The following ZNF177 variants were observed in gnomAD, a reference collection of about 807,000 sequenced individuals.
ZNF177 encodes zinc finger protein 177.
In ZNF177, 17 loss-of-function variants were observed where a neutral mutation model predicts 19.4. The ratio of observed to expected loss-of-function variants is 0.87; its 90% CI spans 0.60 to 1.31. ZNF177 has a LOEUF of 1.31. ZNF177 is among the 40% of genes most tolerant of loss of function. The pLI is 0.00. For missense variants in ZNF177, 633 were observed against 561.8 expected (o/e 1.13, Z -1.28); for synonymous variants, 220 against 188.7 (o/e 1.17, Z -1.36).
chr19:9,378,738 G>T, intron 2 of ZNF177: 1 of 670,916 alleles, frequency 1.5e-6, no homozygotes, highest in Non-Finnish European at 2.3e-6. Context: ...TTTTAGAAAA[G>T]CTGTTTTGAC....
At chr19:9,364,544 T>C (rs897752584) in intron 1 of ZNF177, among the ~76,000 whole-genome samples, 1 of 152,178 alleles carries the variant, frequency 6.6e-6, no homozygotes, top group Non-Finnish European at 1.5e-5. Context: ...TCAGTCCTAT[T>C]TGCAAATTGC....
At chr19:9,379,798 TTAAATG>T (rs1425916835) in intron 4 of ZNF177, 179 bp downstream of exon 6, 1 of 838,966 alleles carries the variant, frequency 1.2e-6, no homozygotes, top group African/African-American at 1.7e-5. Flanking sequence ...TAATTCCTCT[TTAAATG>T]TAATGTCTCC....
At chr19:9,381,128 C>A in exon 6 of ZNF177, 1 of 1,614,050 alleles carries the variant, frequency 6.2e-7, no homozygotes, top group Non-Finnish European at 8.5e-7. Context: ...AAAACTTTCA[C>A]TGACCCTTTG....
intron 1 of ZNF177, chr19:9,363,297 T>C (rs542145752): frequency 3.3e-4 from 51 of 152,418 alleles, no homozygotes; most frequent in African/African-American, 1.2e-3. Context: ...AGGAGGCAAG[T>C]GGGTTCATGT....
chr19:9,381,128 C>G (rs375167029), exon 6 of ZNF177: 1 of 1,614,050 alleles, frequency 6.2e-7, no homozygotes, highest in Non-Finnish European at 8.5e-7. Flanking sequence ...AAAACTTTCA[C>G]TGACCCTTTG....
chr19:9,377,518 CAG>C (rs2068127115), intron 1 of ZNF177, among the ~76,000 whole-genome samples: 3 of 152,184 alleles, frequency 2.0e-5, no homozygotes, highest in Non-Finnish European at 4.4e-5. Flanking sequence ...AGGTGTCAGA[CAG>C]TGATACTCAA....
intron 2 of ZNF177, among the ~76,000 whole-genome samples, chr19:9,365,599 G>A (rs2067967698): frequency 6.6e-6 from 1 of 152,110 alleles, no homozygotes; most frequent in Admixed American, 6.6e-5. Context: ...GCATCCCCAC[G>A]TGGTCAGACA....
chr19:9,378,403 C>G (rs527656154), intron 2 of ZNF177, 59 bp downstream of exon 4: 2 of 1,606,910 alleles, frequency 1.2e-6, no homozygotes, highest in South Asian at 1.1e-5. Flanking sequence ...AAGAACACAT[C>G]TCTTGCCCCT....
upstream of ZNF177, among the ~76,000 whole-genome samples, chr19:9,372,540 CTTTTT>C (rs61321271): frequency 1.2e-5 from 1 of 84,580 alleles, no homozygotes; most frequent in South Asian, 4.7e-4. Flanking sequence ...CTTTCTTTTC[CTTTTT>C]TTTTTTTTTT....
At chr19:9,380,441 A>C in intron 5 of ZNF177, 1 of 845,952 alleles carries the variant, frequency 1.2e-6, no homozygotes, top group Non-Finnish European at 1.8e-6. Flanking sequence ...AAACTGTATT[A>C]AAGAAGCCCT....
At chr19:9,371,724 G>T (rs919045567), upstream of ZNF177, 5 of 152,096 alleles carry the variant, frequency 3.3e-5, 1 homozygote, top group South Asian at 1.0e-3. Context: ...ATTCAGCTTG[G>T]GGGCTTATGA....
At chr19:9,382,540 G>A (rs771365342), downstream of ZNF177, 19 of 396,740 alleles carry the variant, frequency 4.8e-5, no homozygotes, top group Admixed American at 8.8e-5. Flanking sequence ...AACCACTCTT[G>A]TGGGAAGTTC....
At chr19:9,367,587 T>A (rs921052496) in intron 2 of ZNF177, among the ~76,000 whole-genome samples, 2 of 152,220 alleles carry the variant, frequency 1.3e-5, no homozygotes, top group African/African-American at 4.8e-5. Flanking sequence ...CTTATTTTCC[T>A]TAGAATATCT....
At chr19:9,372,106 G>A (rs1334538584), upstream of ZNF177, among the ~76,000 whole-genome samples, 1 of 152,066 alleles carries the variant, frequency 6.6e-6, no homozygotes. Context: ...TTAGAACTTT[G>A]TATATAAGAT....
In ZNF177 at chr19:9,379,517, G is replaced by A; in HGVS notation, c.161-10G>A. On this transcript the variant is annotated splice_polypyrimidine_tract_variant and intron_variant, in intron 3 of 5. Coordinates refer to ENST00000589262, the Ensembl canonical transcript of ZNF177. ...CATTTCTCCCACATCCTTGCTTTCTGCGTGAGCAGGGTATCAGCTCTGCAG... is the reference window on the plus strand; with the variant it reads ...CATTTCTCCCACATCCTTGCTTTCTACGTGAGCAGGGTATCAGCTCTGCAG... 1 of 1,611,880 alleles carries A rather than the reference G, an allele frequency of 6.2e-7. No homozygotes were observed.
intron 2 of ZNF177, among the ~76,000 whole-genome samples, chr19:9,366,825 A>G (rs1043419826): frequency 6.6e-6 from 1 of 152,170 alleles, no homozygotes; most frequent in Non-Finnish European, 1.5e-5. Context: ...CAAAAAAACA[A>G]GAGAATTTCT....
At chr19:9,380,686 G>A (rs769965232) in exon 6 of ZNF177, 15 of 1,535,754 alleles carry the variant, frequency 9.8e-6, no homozygotes, top group Non-Finnish European at 1.3e-5. Flanking sequence ...TCAACCTGGT[G>A]AGCACTCCCT....
exon 1 of ZNF177, chr19:9,363,036 T>C (rs1190494147): frequency 2.0e-5 from 3 of 152,326 alleles, no homozygotes; most frequent in African/African-American, 7.2e-5. Context: ...CTCCCATAGC[T>C]GTCGCCTGCA....
At chr19:9,374,944 A>C (rs1470528731), upstream of ZNF177, among the ~76,000 whole-genome samples, 1 of 152,152 alleles carries the variant, frequency 6.6e-6, no homozygotes, top group Non-Finnish European at 1.5e-5. Context: ...AAAAGCTTTC[A>C]ATTTTTTATA....
Sources: allele counts gnomAD v4.1 joint callset (sites outside exome capture counted in the v4.1 genomes callset), GRCh38; gene constraint gnomAD v4.1.1; transcripts MANE v1.5; gene names NCBI Gene and HGNC (gene_info 2026-07-23, HGNC 2026-07-21).